The following CERK variants were observed in gnomAD, a reference collection of about 807,000 sequenced individuals.
CERK encodes the protein ceramide kinase, also known as acylsphingosine kinase.
In CERK, 39 loss-of-function variants were observed where a neutral mutation model predicts 63.4. That is an observed-to-expected ratio of 0.61 (90% CI 0.48 to 0.80). The LOEUF is 0.80. CERK is among the 30% of genes least tolerant of loss of function. The probability of loss-of-function intolerance (pLI) is 0.00; values close to 1 mark genes in which losing one functional copy is unlikely to be tolerated. For missense variants in CERK, 670 were observed against 714.1 expected (o/e 0.94, Z 0.70); for synonymous variants, 302 against 280.0 (o/e 1.08, Z -0.78).
chr22:46,719,140 C>G (rs1432692929), intron 3 of CERK, among the ~76,000 whole-genome samples: 13 of 137,668 alleles, frequency 9.4e-5, no homozygotes, highest in Non-Finnish European at 3.2e-5. Context: ...GAATGAACAC[C>G]TACCACTTTG....
rs1399009137 is a variant in CERK, at chr22:46,690,070, G to A, written c.1463C>T (p.Pro488Leu). The A allele has an allele frequency of 1.9e-6, 3 of 1,613,798 alleles. No individual in the cohort carries two copies. Among genetic ancestry groups the A allele is most frequent in the African/African-American group, 2.7e-5 (2 of 74,988 alleles). Residue 488 changes from proline (P) to leucine (L), a missense_variant, in exon 12 of 13, where the codon CCC becomes CTC. Pro to Leu is a moderately conservative substitution (Grantham distance 98). Coordinates refer to ENST00000216264, the MANE Select transcript of CERK (RefSeq NM_022766.6). ...KRFGHICSSH[P>L]SCCCTVSNSS... Reference sequence around the variant, plus strand: ...GTTGGAGACGGTGCAGCAGCAGGAGGGGTGGCTGCTGCAAATGTGCCCAAA... The same window carrying A: ...GTTGGAGACGGTGCAGCAGCAGGAGAGGTGGCTGCTGCAAATGTGCCCAAA...
At chr22:46,693,281 G>C (rs113175103) in intron 10 of CERK, 146 bp downstream of exon 10, 63 of 655,472 alleles carry the variant, frequency 9.6e-5, no homozygotes, top group African/African-American at 8.7e-4. Flanking sequence ...GCTGCCTGGG[G>C]CTAAGAAGAA....
In CERK at chr22:46,686,335, A is replaced by C. The variant is rs1011386149; in HGVS notation, c.*799T>G. On this transcript the variant is annotated 3_prime_UTR_variant, in exon 13 of 13. Transcript: ENST00000216264. ...GGCCAGCTTCCTCCTGACTGCCCCCAAGCCCGGCTGTGTTAAGCACTTCGC... is the reference window on the plus strand; with the variant it reads ...GGCCAGCTTCCTCCTGACTGCCCCCCAGCCCGGCTGTGTTAAGCACTTCGC... 1 of 152,246 alleles carries C rather than the reference A, an allele frequency of 6.6e-6. No individual in the cohort carries two copies. Among genetic ancestry groups the C allele is most frequent in the Non-Finnish European group, 1.5e-5 (1 of 68,068 alleles). 9.4% of individuals were successfully genotyped at this position (152,246 alleles called of 1,614,324 possible). A position where few individuals can be genotyped will look rare whatever the true frequency, so the allele number is the denominator to read the frequency against.
At chr22:46,721,409 C>T (rs1044455395) in intron 1 of CERK, among the ~76,000 whole-genome samples, 11 of 151,874 alleles carry the variant, frequency 7.2e-5, no homozygotes, top group Non-Finnish European at 1.0e-4. Flanking sequence ...TCTCCTGCCT[C>T]AGCCTCCCGA....
intron 1 of CERK, among the ~76,000 whole-genome samples, chr22:46,736,629 G>C (rs2082975257): frequency 6.6e-6 from 1 of 152,170 alleles, no homozygotes; most frequent in Non-Finnish European, 1.5e-5. Flanking sequence ...GTGATATTTG[G>C]GGTGTGACAT....
chr22:46,732,086 G>A (rs1271683346), intron 1 of CERK, among the ~76,000 whole-genome samples: 1 of 152,232 alleles, frequency 6.6e-6, no homozygotes, highest in East Asian at 1.9e-4. Context: ...CGAGAAAGGA[G>A]AGAAGAGGTA....
At chr22:46,708,115 G>A (rs1395677959) in intron 5 of CERK, 127 bp from the exon 6 acceptor site, 35 of 1,057,374 alleles carry the variant, frequency 3.3e-5, no homozygotes, top group Non-Finnish European at 4.1e-5. Context: ...CTAGAAGTGC[G>A]GCTCCTGAAA....
At chr22:46,712,946 G>A (rs1415892839) in intron 3 of CERK, among the ~76,000 whole-genome samples, 1 of 150,234 alleles carries the variant, frequency 6.7e-6, no homozygotes, top group Non-Finnish European at 1.5e-5. Context: ...CTGGGTTCAT[G>A]CCATCCTCCT....
intron 8 of CERK, among the ~76,000 whole-genome samples, chr22:46,698,042 G>A (rs1290653679): frequency 4.6e-5 from 7 of 152,348 alleles, no homozygotes; most frequent in South Asian, 2.1e-4. Context: ...CAGACCTGCC[G>A]TGTTGGATGC....
chr22:46,717,460 C>T lies in CERK; in HGVS notation c.379+2626G>A, dbSNP rs142148772. Among the ~76,000 whole-genome samples, 386 of 152,362 alleles carry T rather than the reference C, an allele frequency of 2.5e-3. 1 individual carries two copies. Among genetic ancestry groups the T allele is most frequent in the African/African-American group, 8.3e-3 (344 of 41,586 alleles). On this transcript the variant is annotated intron_variant, in intron 3 of 12. Coordinates refer to ENST00000216264, the MANE Select transcript of CERK (RefSeq NM_022766.6). Reference sequence around the variant, plus strand: ...CCATACGGCCTAGAGAATGGACAAACGGCAGCCCCACGCGAGAGCGTGGAA... The same window carrying T: ...CCATACGGCCTAGAGAATGGACAAATGGCAGCCCCACGCGAGAGCGTGGAA...
intron 6 of CERK, among the ~76,000 whole-genome samples, chr22:46,702,979 T>C (rs2082794984): frequency 6.6e-6 from 1 of 152,046 alleles, no homozygotes. Context: ...CATGCTCCCG[T>C]TCACGCGAGA....
At chr22:46,689,189 C>T (rs6008952) in intron 12 of CERK, among the ~76,000 whole-genome samples, 5,763 of 152,306 alleles carry the variant, frequency 0.038, 347 homozygotes, top group African/African-American at 0.13. Context: ...CAGCACGGGG[C>T]GTCCCTCTGG....
intron 8 of CERK, among the ~76,000 whole-genome samples, chr22:46,696,294 G>A (rs1439537683): frequency 1.3e-5 from 2 of 152,216 alleles, no homozygotes; most frequent in Admixed American, 6.5e-5. Flanking sequence ...TGCACTCAGC[G>A]GGCGGGCCCT....
At chr22:46,730,628 C>T (rs1217693856) in intron 1 of CERK, among the ~76,000 whole-genome samples, 2 of 152,190 alleles carry the variant, frequency 1.3e-5, no homozygotes, top group African/African-American at 2.4e-5. Flanking sequence ...TGTTTTAATG[C>T]ACAAGCACCT....
chr22:46,723,385 G>A (rs1181094226), intron 1 of CERK, among the ~76,000 whole-genome samples: 1 of 152,152 alleles, frequency 6.6e-6, no homozygotes, highest in Non-Finnish European at 1.5e-5. Flanking sequence ...TTGGGAGGCC[G>A]AGGCAGGCAG....
At position 46,714,831 on chromosome 22, in the gene CERK, C is replaced by T. The variant is rs570564302; in HGVS notation, c.380-2538G>A. On this transcript the variant is annotated intron_variant, in intron 3 of 12. Coordinates refer to ENST00000216264, the MANE Select transcript of CERK (RefSeq NM_022766.6). The surrounding 1 kb of genome is among the most constrained non-coding windows in gnomAD (Gnocchi z 4.4). ...TATCAGAAAGGGGCTCATATTCAGA[C>T]ATCCCTCCCCTGAACCTACGTGCAA... 6.6e-6 allele frequency among the ~76,000 whole-genome samples: 1 copy of T among 152,288 alleles called. No individual in the cohort carries two copies. Among genetic ancestry groups the T allele is most frequent in the African/African-American group, 2.4e-5 (1 of 41,558 alleles).
chr22:46,730,257 A>G (rs1386094568), intron 1 of CERK, among the ~76,000 whole-genome samples: 2 of 45,616 alleles, frequency 4.4e-5, no homozygotes, highest in African/African-American at 7.3e-5. Flanking sequence ...GTCTCTACTA[A>G]AAAAAAAAAA....
At chr22:46,732,668 C>T (rs959232379) in intron 1 of CERK, among the ~76,000 whole-genome samples, 16 of 151,892 alleles carry the variant, frequency 1.1e-4, no homozygotes, top group African/African-American at 2.4e-4. Flanking sequence ...TCCCATTCAC[C>T]GGGTCTGCCA....
At chr22:46,708,196 T>C (rs1219524640) in intron 5 of CERK, among the ~76,000 whole-genome samples, 1 of 152,198 alleles carries the variant, frequency 6.6e-6, no homozygotes, top group African/African-American at 2.4e-5. Flanking sequence ...ATGAGATTGA[T>C]GGCAAATACT....
Sources: allele counts gnomAD v4.1 joint callset (sites outside exome capture counted in the v4.1 genomes callset), GRCh38; gene constraint gnomAD v4.1.1; non-coding constraint Gnocchi (gnomAD v3.1); transcripts MANE v1.5; gene names NCBI Gene and HGNC (gene_info 2026-07-23, HGNC 2026-07-21).